Variants in CFAP54 observed in about 807,000 individuals in gnomAD.
CFAP54 encodes cilia and flagella associated protein 54.
A neutral mutation model predicts 370.4 loss-of-function variants in CFAP54; 290 were observed. The observed-to-expected ratio is 0.78, with a 90% confidence interval of 0.71 to 0.86. The LOEUF is 0.86. Ranked by LOEUF, CFAP54 falls within the 40% of genes least tolerant of loss-of-function variation. The pLI, the probability that CFAP54 is intolerant of heterozygous loss-of-function variation, is 0.00. For synonymous variants in CFAP54, 1,206 were observed against 1,236.5 expected (o/e 0.98, Z 0.52); for missense variants, 3,399 against 3,528.7 (o/e 0.96, Z 0.93).
chr12:96,501,846 T>C (rs1428649347), intron 2 of CFAP54, among the ~76,000 whole-genome samples: 1 of 152,184 alleles, frequency 6.6e-6, no homozygotes, highest in Non-Finnish European at 1.5e-5. Context: ...AACTAGAGAA[T>C]AACCATAGTT....
intron 26 of CFAP54, among the ~76,000 whole-genome samples, chr12:96,610,915 G>A (rs1163462312): frequency 3.9e-5 from 6 of 152,226 alleles, no homozygotes; most frequent in African/African-American, 7.2e-5. Flanking sequence ...GGAGCCCACC[G>A]CAGCTCAAGG....
chr12:96,496,282 T>A (rs776070335), intron 1 of CFAP54, among the ~76,000 whole-genome samples: 5 of 152,222 alleles, frequency 3.3e-5, no homozygotes, highest in Non-Finnish European at 7.3e-5. Context: ...CTCCAACACA[T>A]ACATCATAAG....
intron 14 of CFAP54, among the ~76,000 whole-genome samples, chr12:96,542,451 G>A (rs1388969624): frequency 1.3e-5 from 2 of 152,154 alleles, no homozygotes; most frequent in Non-Finnish European, 2.9e-5. Flanking sequence ...GGATTAAAAT[G>A]CTTTTTTTCC....
intron 57 of CFAP54, among the ~76,000 whole-genome samples, chr12:96,757,018 A>T (rs1385784762): frequency 1.3e-5 from 2 of 152,188 alleles, no homozygotes; most frequent in South Asian, 2.1e-4. Context: ...AGGTGCACTG[A>T]TCCCCAGCTG....
intron 12 of CFAP54, among the ~76,000 whole-genome samples, chr12:96,536,644 T>TC (rs1955508889): frequency 6.7e-6 from 1 of 148,722 alleles, no homozygotes; most frequent in African/African-American, 2.5e-5. Context: ...TTTTTTTTTT[T>TC]GAGACAGAGT....
chr12:96,521,725 A>T, intron 6 of CFAP54, 132 bp from the exon 7 acceptor site: 2 of 590,202 alleles, frequency 3.4e-6, no homozygotes, highest in Admixed American at 3.0e-5. Context: ...AGACTGGATA[A>T]AAGGAGTCAG....
intron 15 of CFAP54, among the ~76,000 whole-genome samples, chr12:96,552,207 T>G (rs891852885): frequency 5.5e-5 from 8 of 145,202 alleles, no homozygotes; most frequent in Non-Finnish European, 1.0e-4. Flanking sequence ...GATCACGCCA[T>G]TGCGCTCCAA....
intron 48 of CFAP54, among the ~76,000 whole-genome samples, chr12:96,718,164 G>T (rs1312466844): frequency 6.6e-6 from 1 of 152,066 alleles, no homozygotes; most frequent in African/African-American, 2.4e-5. Context: ...TTCAAGACTA[G>T]CCTGGGCAAC....
At chr12:96,760,594 G>A (rs974396681) in intron 58 of CFAP54, among the ~76,000 whole-genome samples, 3 of 152,266 alleles carry the variant, frequency 2.0e-5, no homozygotes, top group East Asian at 1.9e-4. Flanking sequence ...GTGCAGTGGC[G>A]TGATCTAGGC....
intron 39 of CFAP54, among the ~76,000 whole-genome samples, chr12:96,672,448 A>T (rs1957158770): frequency 6.6e-6 from 1 of 152,190 alleles, no homozygotes; most frequent in Non-Finnish European, 1.5e-5. Context: ...TGGGTTGGAG[A>T]TTTCAGAAGG....
At chr12:96,606,048 T>TG (rs11378511) in intron 26 of CFAP54, among the ~76,000 whole-genome samples, 102,267 of 151,938 alleles carry the variant, frequency 0.67, 34,524 homozygotes, top group East Asian at 0.7. Flanking sequence ...TGTGATTTAG[T>TG]GGGGGGGTGA....
In CFAP54 at chr12:96,743,517, A is replaced by G. The variant is rs369833471; in HGVS notation, c.7335A>G (p.Leu2445=). 3.3e-5 allele frequency: 53 copies of G among 1,614,112 alleles called. 1 individual carries two copies. Among genetic ancestry groups the G allele is most frequent in the East Asian group, 8.9e-5 (4 of 44,878 alleles). Residue 2445 remains leucine (L), a synonymous_variant, in exon 53 of 68, where the codon CTA becomes CTG. Transcript: ENST00000524981. ...EFLTQAVILG[L]QEKHLKADIM... ...TGACGCAAGCTGTAATTCTTGGCCTACAAGAAAAGCATTTAAAGGCAGACA... is the reference window on the plus strand; with the variant it reads ...TGACGCAAGCTGTAATTCTTGGCCTGCAAGAAAAGCATTTAAAGGCAGACA...
chr12:96,857,826 G>A (rs576143458), intron 66 of CFAP54, among the ~76,000 whole-genome samples: 4 of 152,198 alleles, frequency 2.6e-5, no homozygotes, highest in African/African-American at 7.2e-5. Flanking sequence ...CTGAGTCCTC[G>A]CCAGCCATGT....
intron 19 of CFAP54, among the ~76,000 whole-genome samples, chr12:96,575,013 C>A (rs1266922746): frequency 6.6e-6 from 1 of 151,958 alleles, no homozygotes; most frequent in Non-Finnish European, 1.5e-5. Context: ...TTATATGAAA[C>A]AATTTTTGGG....
At chr12:96,525,553 T>G (rs1955370246) in intron 8 of CFAP54, among the ~76,000 whole-genome samples, 1 of 152,190 alleles carries the variant, frequency 6.6e-6, no homozygotes, top group African/African-American at 2.4e-5. Context: ...CATTTCATTT[T>G]GAATACTTCT....
At chr12:96,682,117 T>G in intron 40 of CFAP54, 1 of 930,112 alleles carries the variant, frequency 1.1e-6, no homozygotes, top group Non-Finnish European at 1.3e-6. Context: ...AATTGATTTA[T>G]TATTATTATT....
intron 43 of CFAP54, among the ~76,000 whole-genome samples, chr12:96,689,440 C>T (rs1157903165): frequency 3.9e-5 from 6 of 152,120 alleles, no homozygotes; most frequent in Middle Eastern, 3.2e-3. Context: ...GGATTATAGG[C>T]GTGAGCTACC....
intron 26 of CFAP54, among the ~76,000 whole-genome samples, chr12:96,611,730 C>G (rs1397521113): frequency 6.6e-6 from 1 of 152,200 alleles, no homozygotes; most frequent in African/African-American, 2.4e-5. Context: ...ACGAGAACTA[C>G]TGATGAATGC....
chr12:96,741,476 C>G (rs941749232), intron 51 of CFAP54, among the ~76,000 whole-genome samples: 1 of 152,092 alleles, frequency 6.6e-6, no homozygotes, highest in Non-Finnish European at 1.5e-5. Flanking sequence ...TGACTGCTTA[C>G]CCTTGTTTCC....
Sources: gnomAD v4.1 joint callset for allele counts (sites outside exome capture counted in the v4.1 genomes callset) on GRCh38, gnomAD v4.1.1 for gene constraint, MANE v1.5 for transcripts, NCBI Gene and HGNC (gene_info 2026-07-23, HGNC 2026-07-21) for gene names.